Variants in RYR1 observed in about 807,000 individuals in gnomAD.
The protein encoded by RYR1 is ryanodine receptor 1, also known as central core disease of muscle.
In RYR1, 342 loss-of-function variants were observed where a neutral mutation model predicts 583.5. The observed-to-expected ratio is 0.59, with a 90% confidence interval of 0.54 to 0.64. RYR1 has a LOEUF of 0.64. RYR1 is among the 30% of genes least tolerant of loss of function. RYR1 has a pLI of 0.00. For synonymous variants in RYR1, 2,791 were observed against 2,822.5 expected (o/e 0.99, Z 0.35); for missense variants, 6,032 against 6,917.2 (o/e 0.87, Z 4.54).
chr19:38,524,254 A>G (rs1198257292), intron 70 of RYR1, among the ~76,000 whole-genome samples: 1 of 150,130 alleles, frequency 6.7e-6, no homozygotes, highest in African/African-American at 2.5e-5. Flanking sequence ...GGCTGAGGTC[A>G]AGGGTAATGG....
chr19:38,550,732 C>T (rs997506675), intron 89 of RYR1, among the ~76,000 whole-genome samples: 18 of 152,004 alleles, frequency 1.2e-4, no homozygotes, highest in Admixed American at 2.0e-4. Flanking sequence ...TCGGTGTTCA[C>T]CAGGGGCTCC....
intron 89 of RYR1, among the ~76,000 whole-genome samples, chr19:38,554,727 C>A (rs552604791): frequency 2.0e-5 from 3 of 152,076 alleles, no homozygotes; most frequent in Non-Finnish European, 4.4e-5. Flanking sequence ...CCTGCCTCAG[C>A]CTCCCAAAGC....
At position 38,473,579 on chromosome 19, in the gene RYR1, G is replaced by C. The variant is rs771230451; in HGVS notation, c.3968G>C (p.Arg1323Pro). The C allele has an allele frequency of 6.3e-6, 10 of 1,593,030 alleles. No homozygotes were observed. The highest frequency in any genetic ancestry group is 7.7e-6 in the Non-Finnish European group (9 of 1,170,216). ...CAGCCCCCCGCCGAGGACGAGGCCCGGGCGGCGGAACCCGACCCTGACTAC... is the reference window on the plus strand; with the variant it reads ...CAGCCCCCCGCCGAGGACGAGGCCCCGGCGGCGGAACCCGACCCTGACTAC... ...GLQPPAEDEA[R>P]AAEPDPDYEN... Residue 1323 changes from arginine to proline, a missense_variant, in exon 28 of 106, where the codon CGG becomes CCG. Around this residue, in one of 11 missense-constraint regions of RYR1, gnomAD observed 2,627 missense variants for 2,961.3 expected, o/e 0.89. Coordinates refer to ENST00000359596, the MANE Select transcript of RYR1 (RefSeq NM_000540.3).
intron 63 of RYR1, among the ~76,000 whole-genome samples, chr19:38,513,201 G>T (rs1226764381): frequency 6.6e-6 from 1 of 152,152 alleles, no homozygotes; most frequent in Non-Finnish European, 1.5e-5. Flanking sequence ...GCCGGGCATG[G>T]TGGTGGTCGC....
intron 96 of RYR1, among the ~76,000 whole-genome samples, chr19:38,574,751 C>T (rs895529975): frequency 6.6e-6 from 1 of 152,184 alleles, no homozygotes; most frequent in South Asian, 2.1e-4. Flanking sequence ...AAACAAAACT[C>T]GTGGCTGGGC....
intron 101 of RYR1, among the ~76,000 whole-genome samples, chr19:38,582,430 G>A (rs914278679): frequency 6.0e-5 from 9 of 151,202 alleles, no homozygotes; most frequent in Admixed American, 3.3e-4. Context: ...ACTTAGACTA[G>A]TGCCTGGCAC....
chr19:38,567,092 C>G, intron 92 of RYR1, 105 bp downstream of exon 92: 1 of 1,528,802 alleles, frequency 6.5e-7, no homozygotes. Flanking sequence ...CACCCTGTGT[C>G]CTCGGCATCA....
At chr19:38,477,659 C>A in intron 29 of RYR1, 51 bp from the exon 30 acceptor site, 3 of 1,613,176 alleles carry the variant, frequency 1.9e-6, no homozygotes, top group Non-Finnish European at 2.5e-6. Flanking sequence ...CCAGGGAGCC[C>A]GAGTCCCTGA....
At chr19:38,547,840 A>G (rs966663221) in intron 88 of RYR1, among the ~76,000 whole-genome samples, 3 of 151,844 alleles carry the variant, frequency 2.0e-5, no homozygotes, top group Non-Finnish European at 4.4e-5. Context: ...CAGCCTCCCA[A>G]GTAGCTGGAA....
Position 38,499,526 on chromosome 19 carries a change from G to A in RYR1, c.7028-109G>A. 3.0e-6 allele frequency: 4 copies of A among 1,312,222 alleles called. No homozygotes were observed. Among genetic ancestry groups the A allele is most frequent in the East Asian group, 2.5e-5 (1 of 40,430 alleles). The allele number at this position is 1,312,222 out of a possible 1,614,324, so 81.3% of individuals were successfully genotyped here. On this transcript the variant is annotated intron_variant, in intron 43 of 105. Coordinates refer to ENST00000359596, the MANE Select transcript of RYR1 (RefSeq NM_000540.3). The surrounding 1 kb of genome is among the most constrained non-coding windows in gnomAD (Gnocchi z 7.3). Reference sequence around the variant, plus strand: ...GTTACCTCTGGAGGTGTTGGGTCCTGGAGCTGGATGGGACCTGTGTTACCC... The same window carrying A: ...GTTACCTCTGGAGGTGTTGGGTCCTAGAGCTGGATGGGACCTGTGTTACCC...
chr19:38,507,307 C>A, intron 57 of RYR1, among the ~76,000 whole-genome samples: 1 of 129,272 alleles, frequency 7.7e-6, no homozygotes, highest in African/African-American at 2.9e-5. Flanking sequence ...AGGGTGGGGC[C>A]CGGGGAACAG....
rs1313967520 is a variant in RYR1 at position 38,452,932 on chromosome 19, C to T, written c.1358C>T (p.Pro453Leu). ...CAGGACCTCATCATCTACTTCGAGC[C>T]TCCCTCCGAGGACTTGCAGCACGAG... is the stretch of plus-strand genomic sequence containing the variant. ...SLQDLIIYFE[P>L]PSEDLQHEEK... is the part of the protein sequence containing the mutation. The change falls in exon 13 of 106, where the codon CCT becomes CTT. Residue 453 changes from proline (P) to leucine (L), a missense_variant. Around this residue, in one of 11 missense-constraint regions of RYR1, gnomAD observed 2,627 missense variants for 2,961.3 expected, o/e 0.89. Transcript: ENST00000359596. The T allele has an allele frequency of 1.9e-6, 3 of 1,613,878 alleles. No individual in the cohort carries two copies. The highest frequency in any genetic ancestry group is 2.5e-6 in the Non-Finnish European group (3 of 1,179,892).
At position 38,483,653 on chromosome 19, in the gene RYR1, G is replaced by A; in HGVS notation, c.4934+137G>A. ...CAGGAATCTCCAGACCTACCTCAGG[G>A]GACTCGGGCTCAGCTCAGACATCCC... On this transcript the variant is annotated intron_variant, in intron 33 of 105. Coordinates refer to ENST00000359596, the MANE Select transcript of RYR1 (RefSeq NM_000540.3). The surrounding 1 kb of genome is among the most constrained non-coding windows in gnomAD (Gnocchi z 6.3). The A allele has an allele frequency of 1.3e-6, 1 of 760,480 alleles. No homozygotes were observed. Among genetic ancestry groups the A allele is most frequent in the South Asian group, 1.7e-5 (1 of 59,962 alleles). 47.1% of individuals were successfully genotyped at this position (760,480 alleles called of 1,614,324 possible).
intron 67 of RYR1, 59 bp downstream of exon 67, chr19:38,519,513 C>A: frequency 6.5e-7 from 1 of 1,545,450 alleles, no homozygotes; most frequent in Admixed American, 1.9e-5. Flanking sequence ...TCCTCCAGCC[C>A]CATCTGATCT....
intron 89 of RYR1, among the ~76,000 whole-genome samples, chr19:38,549,987 C>T (rs1972599147): frequency 6.6e-6 from 1 of 151,176 alleles, no homozygotes; most frequent in East Asian, 1.9e-4. Flanking sequence ...AACTCCTGGC[C>T]TCAAGTGATC....
intron 47 of RYR1, 49 bp downstream of exon 47, chr19:38,501,039 A>G: frequency 6.3e-7 from 1 of 1,588,140 alleles, no homozygotes; most frequent in Non-Finnish European, 8.6e-7. Flanking sequence ...CCACAGAGGG[A>G]CAGGAGATGG....
At chr19:38,557,161 C>T (rs1040244692) in intron 89 of RYR1, among the ~76,000 whole-genome samples, 51 of 142,562 alleles carry the variant, frequency 3.6e-4, no homozygotes, top group Non-Finnish European at 1.9e-4. Flanking sequence ...TCAAGCGATT[C>T]TCCTGCCTCA....
Position 38,502,660 on chromosome 19 carries a change from T to C in RYR1, c.7768T>C (p.Ser2590Pro), listed in dbSNP as rs1264804287. The C allele has an allele frequency of 6.2e-7, 1 of 1,611,826 alleles. No individual in the cohort carries two copies. The highest frequency in any genetic ancestry group is 2.2e-5 in the East Asian group (1 of 44,840). The change falls in exon 48 of 106, where the codon TCT becomes CCT. Residue 2590 changes from serine to proline, a missense_variant. Physicochemically the swap from Ser to Pro is moderately conservative, Grantham distance 74. Coordinates refer to ENST00000359596, the MANE Select transcript of RYR1 (RefSeq NM_000540.3). ...DSMLHTVYRL[S>P]RGRSLTKAQR... is the part of the protein sequence containing the mutation. Reference sequence around the variant, plus strand: ...TATGCTGCATACCGTGTACCGCCTGTCTCGGGGTCGTTCGCTCACCAAGGC... The same window carrying C: ...TATGCTGCATACCGTGTACCGCCTGCCTCGGGGTCGTTCGCTCACCAAGGC...
chr19:38,568,168 G>C (rs1437945613), intron 93 of RYR1, among the ~76,000 whole-genome samples: 1 of 151,974 alleles, frequency 6.6e-6, no homozygotes, highest in Admixed American at 6.6e-5. Flanking sequence ...TCTGTTCATC[G>C]GGGCCACCCA....
Sources: allele counts gnomAD v4.1 joint callset (sites outside exome capture counted in the v4.1 genomes callset), GRCh38; gene constraint gnomAD v4.1.1; regional missense constraint gnomAD v4.1.1; non-coding constraint Gnocchi (gnomAD v3.1); transcripts MANE v1.5; gene names NCBI Gene and HGNC (gene_info 2026-07-23, HGNC 2026-07-21).